GNAL: variants seen among roughly 807,000 people sequenced by gnomAD.
GNAL encodes the protein guanine nucleotide-binding protein G(olf) subunit alpha.
Under a neutral mutation model 55.1 loss-of-function variants are expected in GNAL, and 18 were observed. That is an observed-to-expected ratio of 0.33 (90% CI 0.23 to 0.48). The LOEUF (loss-of-function observed/expected upper bound fraction) is 0.48. Ranked by LOEUF, GNAL falls within the 20% of genes least tolerant of loss-of-function variation. GNAL has a pLI of 0.99. For synonymous variants in GNAL, 253 were observed against 237.0 expected, an observed-to-expected ratio of 1.07 and a Z score of -0.62; for missense variants, 412 against 614.1, an observed-to-expected ratio of 0.67 and a Z score of 3.48.
rs910542312 is a variant in GNAL, at chr18:11,689,873, G to C, written c.310G>C (p.Gly104Arg). Reference sequence around the variant, plus strand: ...CAAGGAGGCGAGGAAAGTGAGCCGGGGCATCGACCGCATGCTGCGCGACCA... The same window carrying C: ...CAAGGAGGCGAGGAAAGTGAGCCGGCGCATCGACCGCATGCTGCGCGACCA... The part of the protein sequence containing the change: ...AVKEARKVSR[G>R]IDRMLRDQKR... The change falls in exon 1 of 12, where the codon GGC becomes CGC. Residue 104 changes from glycine (G) to arginine (R), a missense_variant. Coordinates refer to ENST00000334049, the MANE Select transcript of GNAL (RefSeq NM_182978.4). The C allele has an allele frequency of 6.6e-7, 1 of 1,508,692 alleles. No individual in the cohort carries two copies. The highest frequency in any genetic ancestry group is 8.8e-7 in the Non-Finnish European group (1 of 1,130,914). The allele number at this position is 1,508,692 out of a possible 1,614,324, so 93.5% of individuals were successfully genotyped here.
intron 9 of GNAL, among the ~76,000 whole-genome samples, chr18:11,869,030 CCACACCCA>C (rs1418009348): frequency 1.3e-5 from 2 of 151,170 alleles, no homozygotes; most frequent in East Asian, 1.9e-4. Context: ...ATACCTACAC[CCACACCCA>C]CACACCCACA....
intron 5 of GNAL, among the ~76,000 whole-genome samples, chr18:11,846,370 TTTC>T (rs549782670): frequency 7.2e-4 from 109 of 150,610 alleles, no homozygotes; most frequent in African/African-American, 2.6e-3. Flanking sequence ...TTTCTTTCTC[TTTC>T]TTATTTTTAT....
intron 4 of GNAL, among the ~76,000 whole-genome samples, chr18:11,770,063 T>A (rs1246762297): frequency 6.6e-6 from 1 of 152,122 alleles, no homozygotes; most frequent in Non-Finnish European, 1.5e-5. Flanking sequence ...TATGTGTCTG[T>A]AGTGGTGTAC....
chr18:11,839,624 A>G (rs1003166276), intron 5 of GNAL, among the ~76,000 whole-genome samples: 2 of 151,950 alleles, frequency 1.3e-5, no homozygotes, highest in Non-Finnish European at 2.9e-5. Context: ...TCATAGCAGC[A>G]TTATTCACAA....
intron 1 of GNAL, among the ~76,000 whole-genome samples, chr18:11,734,622 C>T (rs918181011): frequency 6.6e-6 from 1 of 151,172 alleles, no homozygotes; most frequent in East Asian, 1.9e-4. Flanking sequence ...TTCATAGGCT[C>T]GCCTAGGACT....
Position 11,689,792 on chromosome 18 carries a change from C to T in GNAL, c.229C>T (p.Arg77Cys). 6.5e-7 allele frequency: 1 copy of T among 1,534,568 alleles called. No individual in the cohort carries two copies. ...KADKPKEKRQ[R>C]TEQLSAEERE... is the part of the protein sequence containing the mutation. ...AGACAAGCCGAAGGAGAAGCGGCAG[C>T]GCACCGAGCAGCTGAGTGCCGAGGA... Residue 77 changes from arginine (R) to cysteine (C), a missense_variant, in exon 1 of 12, where the codon CGC becomes TGC. Arg to Cys is a radical substitution (Grantham distance 180). Around this residue, in one of 5 missense-constraint regions of GNAL, gnomAD observed 228 missense variants for 194.8 expected, o/e 1.17. Coordinates refer to ENST00000334049, the MANE Select transcript of GNAL (RefSeq NM_182978.4).
chr18:11,796,829 T>C (rs1312354836), intron 4 of GNAL, among the ~76,000 whole-genome samples: 3 of 152,212 alleles, frequency 2.0e-5, no homozygotes, highest in South Asian at 2.1e-4. Context: ...ATCATATAAG[T>C]ATCCCATTAC....
At chr18:11,851,278 C>G (rs79837209) in intron 5 of GNAL, 19,439 of 495,670 alleles carry the variant, frequency 0.039, 534 homozygotes, top group Non-Finnish European at 0.049. Flanking sequence ...CCAGAATCCC[C>G]CTGCATGCGC....
intron 4 of GNAL, among the ~76,000 whole-genome samples, chr18:11,804,162 G>A (rs1378560024): frequency 3.5e-5 from 5 of 141,824 alleles, no homozygotes; most frequent in South Asian, 4.7e-4. Flanking sequence ...GATGGAACAC[G>A]GAGATACTGT....
At chr18:11,836,743 CT>C (rs10719138) in intron 5 of GNAL, among the ~76,000 whole-genome samples, 146,653 of 152,242 alleles carry the variant, frequency 0.96, 70,886 homozygotes, top group East Asian at 1. Context: ...TGAGAGACTA[CT>C]TTAGATTAAA....
intron 1 of GNAL, among the ~76,000 whole-genome samples, chr18:11,701,616 T>G (rs1445755626): frequency 2.7e-5 from 4 of 150,264 alleles, no homozygotes; most frequent in Admixed American, 1.3e-4. Flanking sequence ...GTGCAAACTA[T>G]GAGCAGAAGC....
intron 1 of GNAL, among the ~76,000 whole-genome samples, chr18:11,694,009 T>C (rs8090096): frequency 0.35 from 53,697 of 151,686 alleles, 13,134 homozygotes; most frequent in African/African-American, 0.7. Flanking sequence ...CATGCTACCA[T>C]GGCTGACTAA....
intron 5 of GNAL, chr18:11,851,595 GGAAAAGGCC>G (rs777722201): frequency 3.1e-6 from 5 of 1,613,498 alleles, no homozygotes; most frequent in South Asian, 2.2e-5. Flanking sequence ...GCGATAAGGA[GGAAAAGGCC>G]GAAAAGGCCA....
In GNAL at chr18:11,885,619, C is replaced by T; in HGVS notation, c.*4484C>T. On this transcript the variant is annotated 3_prime_UTR_variant, in exon 12 of 12. Transcript: ENST00000334049. ...ATTGCAGCAATTAAATAGTTGATTA[C>T]TGTGTTGATTTAAATACTTATGAAA... The T allele has an allele frequency of 6.4e-7, 1 of 1,568,786 alleles. No homozygotes were observed. The highest frequency in any genetic ancestry group is 8.7e-7 in the Non-Finnish European group (1 of 1,149,148).
In GNAL at chr18:11,755,053, T is replaced by G. The variant is rs143013198; in HGVS notation, c.624+1108T>G. Among the ~76,000 whole-genome samples, 1,294 of 152,036 alleles carry G rather than the reference T, an allele frequency of 8.5e-3. 15 individuals carry two copies. Among genetic ancestry groups the G allele is most frequent in the African/African-American group, 0.03 (1,232 of 41,406 alleles). On this transcript the variant is annotated intron_variant, in intron 4 of 11. Transcript: ENST00000334049. Reference sequence around the variant, plus strand: ...GTATGTGTATTCATCAATAACAGTCTTTCAAAATTTGTATTGCCTGGCATG... The same window carrying G: ...GTATGTGTATTCATCAATAACAGTCGTTCAAAATTTGTATTGCCTGGCATG...
intron 5 of GNAL, among the ~76,000 whole-genome samples, chr18:11,838,752 G>T (rs1055249107): frequency 1.3e-5 from 2 of 152,210 alleles, no homozygotes; most frequent in African/African-American, 4.8e-5. Flanking sequence ...ATTTCAGATT[G>T]TTCATGTACT....
At chr18:11,773,294 G>A (rs2033687248) in intron 4 of GNAL, among the ~76,000 whole-genome samples, 1 of 152,210 alleles carries the variant, frequency 6.6e-6, no homozygotes, top group Non-Finnish European at 1.5e-5. Flanking sequence ...AGAAGTTAGA[G>A]CAGTCTGTTT....
At chr18:11,850,913 G>A (rs73409563) in intron 5 of GNAL, among the ~76,000 whole-genome samples, 3,306 of 152,308 alleles carry the variant, frequency 0.022, 121 homozygotes, top group African/African-American at 0.075. Context: ...TGACCCGTTT[G>A]TTTTTAATGT....
chr18:11,842,181 A>G (rs370128977), intron 5 of GNAL, among the ~76,000 whole-genome samples: 7 of 151,470 alleles, frequency 4.6e-5, no homozygotes, highest in East Asian at 3.9e-4. Context: ...GGGTTTCTCC[A>G]TGTTGGTCAG....
Sources: gnomAD v4.1 joint callset for allele counts (sites outside exome capture counted in the v4.1 genomes callset) on GRCh38, gnomAD v4.1.1 for gene constraint, gnomAD v4.1.1 regional missense constraint, MANE v1.5 for transcripts, NCBI Gene and HGNC (gene_info 2026-07-23, HGNC 2026-07-21) for gene names.